KLHL24: variants seen among roughly 807,000 people sequenced by gnomAD.
KLHL24 encodes the protein kelch like family member 24, also known as kelch-like protein 24.
Under a neutral mutation model 53.4 loss-of-function variants are expected in KLHL24, and 29 were observed. The observed-to-expected ratio is 0.54, with a 90% CI of 0.40 to 0.74. The LOEUF is 0.74. Ranked by LOEUF, KLHL24 falls within the 30% of genes least tolerant of loss-of-function variation. The pLI, the probability that KLHL24 is intolerant of heterozygous loss-of-function variation, is 0.00. For missense variants in KLHL24, 504 were observed against 744.0 expected (o/e 0.68, Z 3.75); for synonymous variants, 222 against 253.7 (o/e 0.88, Z 1.19).
Position 183,683,460 on chromosome 3 carries a change from C to T in KLHL24, c.*4174C>T, listed in dbSNP as rs1315088004. The stretch of plus-strand genomic sequence containing the variant: ...TAAATAAATTTACCATGCCAAGTAA[C>T]CAGAATGGAGCAAATTGGTTGATCT... On this transcript the variant is annotated 3_prime_UTR_variant, in exon 8 of 8. Coordinates refer to ENST00000242810, the MANE Select transcript of KLHL24 (RefSeq NM_017644.3). 6.6e-6 allele frequency: 1 copy of T among 152,560 alleles called. No homozygotes were observed. Among genetic ancestry groups the T allele is most frequent in the African/African-American group, 2.4e-5 (1 of 41,404 alleles). The allele number at this position is 152,560 out of a possible 1,614,324, so 9.5% of individuals were successfully genotyped here. A position where few individuals can be genotyped will look rare whatever the true frequency, so the allele number is the denominator to read the frequency against.
intron 1 of KLHL24, among the ~76,000 whole-genome samples, chr3:183,642,725 T>TA (rs1308642786): frequency 1.3e-5 from 2 of 151,554 alleles, no homozygotes; most frequent in South Asian, 2.1e-4. Context: ...TATTAAAAGA[T>TA]AAAAAAATTA....
At chr3:183,644,948 G>T (rs1208222860) in intron 2 of KLHL24, among the ~76,000 whole-genome samples, 10 of 152,160 alleles carry the variant, frequency 6.6e-5, no homozygotes, top group Non-Finnish European at 1.5e-4. Context: ...GCAGGAAGAA[G>T]CTCACGATTT....
intron 3 of KLHL24, among the ~76,000 whole-genome samples, chr3:183,657,465 C>T (rs996475512): frequency 5.9e-5 from 9 of 152,146 alleles, no homozygotes; most frequent in African/African-American, 1.9e-4. Context: ...ATCTAATGGC[C>T]GTAATGAGGG....
chr3:183,664,886 TA>T, intron 4 of KLHL24, 34 bp from the exon 5 acceptor site: 1 of 1,259,050 alleles, frequency 7.9e-7, no homozygotes, highest in South Asian at 1.3e-5. Context: ...TATATCATGA[TA>T]AATTATCGTG....
At chr3:183,635,969 G>C (rs1020628913) in intron 1 of KLHL24, among the ~76,000 whole-genome samples, 176 bp downstream of exon 1, 3 of 152,142 alleles carry the variant, frequency 2.0e-5, no homozygotes, top group African/African-American at 7.2e-5. Context: ...GGGTTCACCT[G>C]GGGGGTCTTC....
At chr3:183,668,830 G>T (rs1471578976) in intron 5 of KLHL24, among the ~76,000 whole-genome samples, 1 of 151,726 alleles carries the variant, frequency 6.6e-6, no homozygotes, top group Non-Finnish European at 1.5e-5. Context: ...ACTTGAGCCT[G>T]AGAGGCAGAG....
intron 3 of KLHL24, among the ~76,000 whole-genome samples, chr3:183,651,786 G>T (rs1036460460): frequency 2.6e-5 from 4 of 151,810 alleles, no homozygotes; most frequent in Non-Finnish European, 5.9e-5. Context: ...AGACCTCATC[G>T]CTACTAAAAA....
At chr3:183,642,067 G>T (rs1207327240) in intron 1 of KLHL24, among the ~76,000 whole-genome samples, 2 of 152,088 alleles carry the variant, frequency 1.3e-5, no homozygotes, top group African/African-American at 4.8e-5. Flanking sequence ...ACCAATCTTG[G>T]AGTTCTTGTT....
At chr3:183,676,277 G>C (rs932829915) in intron 7 of KLHL24, among the ~76,000 whole-genome samples, 2 of 152,180 alleles carry the variant, frequency 1.3e-5, no homozygotes, top group Non-Finnish European at 2.9e-5. Context: ...TGTATTTTTA[G>C]TGGAGACAGG....
At chr3:183,647,938 A>G (rs28525108) in intron 2 of KLHL24, among the ~76,000 whole-genome samples, 50,904 of 151,922 alleles carry the variant, frequency 0.34, 9,389 homozygotes, top group African/African-American at 0.49. Context: ...CCCGGGAGGC[A>G]GAGGTTGCAG....
chr3:183,651,057 T>C lies in KLHL24; in HGVS notation c.701T>C (p.Met234Thr). The C allele has an allele frequency of 6.2e-7, 1 of 1,614,216 alleles. No homozygotes were observed. The highest frequency in any genetic ancestry group is 8.5e-7 in the Non-Finnish European group (1 of 1,180,020). Reference sequence around the variant, plus strand: ...GAGGAGATGGTTTTTGAAGCCGTCATGCGTTGGGTCTATCGTGCCGTTGAT... The same window carrying C: ...GAGGAGATGGTTTTTGAAGCCGTCACGCGTTGGGTCTATCGTGCCGTTGAT... ...GKEEMVFEAVMRWVYRAVDLR... is the reference protein window; with the variant it reads ...GKEEMVFEAVTRWVYRAVDLR... Residue 234 changes from methionine (M) to threonine (T), a missense_variant, in exon 3 of 8, where the codon ATG becomes ACG. Met to Thr is a moderately conservative substitution (Grantham distance 81). Coordinates refer to ENST00000242810, the MANE Select transcript of KLHL24 (RefSeq NM_017644.3).
chr3:183,646,771 A>G (rs1300259270), intron 2 of KLHL24, among the ~76,000 whole-genome samples: 1 of 152,030 alleles, frequency 6.6e-6, no homozygotes, highest in Non-Finnish European at 1.5e-5. Flanking sequence ...GTGCTACTTT[A>G]TGTTATTATT....
rs1459990952 is a variant in KLHL24 at position 183,684,040 on chromosome 3, G to A, written c.*4754G>A. 6.6e-6 allele frequency: 1 copy of A among 152,416 alleles called. No individual in the cohort carries two copies. Among genetic ancestry groups the A allele is most frequent in the Non-Finnish European group, 1.5e-5 (1 of 67,984 alleles). 9.4% of individuals were successfully genotyped at this position (152,416 alleles called of 1,614,324 possible). On this transcript the variant is annotated 3_prime_UTR_variant, in exon 8 of 8. Transcript: ENST00000242810. ...TATCTATCTTACATTGATTAAACCC[G>A]TGTAAATTCATTTGCAGTATCTACA...
intron 2 of KLHL24, among the ~76,000 whole-genome samples, chr3:183,648,963 A>G (rs922183011): frequency 3.9e-5 from 6 of 151,926 alleles, no homozygotes; most frequent in Non-Finnish European, 7.4e-5. Context: ...AGATCGCGCC[A>G]TTGCACTTCA....
chr3:183,677,647 T>C (rs1411590705), intron 7 of KLHL24, among the ~76,000 whole-genome samples: 2 of 152,208 alleles, frequency 1.3e-5, no homozygotes, highest in Non-Finnish European at 2.9e-5. Context: ...TCATTGTTGG[T>C]TATGTGGAAC....
At chr3:183,638,248 A>C (rs1715690723) in intron 1 of KLHL24, among the ~76,000 whole-genome samples, 1 of 152,238 alleles carries the variant, frequency 6.6e-6, no homozygotes, top group South Asian at 2.1e-4. Context: ...TCTAAACAGG[A>C]AGAAGAAATA....
intron 7 of KLHL24, among the ~76,000 whole-genome samples, chr3:183,678,329 A>G (rs925104005): frequency 9.2e-5 from 14 of 152,340 alleles, no homozygotes; most frequent in African/African-American, 3.1e-4. Flanking sequence ...GGGTAATCCC[A>G]TATAATGAAT....
At chr3:183,648,086 G>T (rs28538996) in intron 2 of KLHL24, among the ~76,000 whole-genome samples, 50,883 of 151,976 alleles carry the variant, frequency 0.33, 9,371 homozygotes, top group African/African-American at 0.49. Context: ...GTACAGTATC[G>T]TGACAATAGT....
intron 3 of KLHL24, among the ~76,000 whole-genome samples, chr3:183,652,924 C>T (rs945886546): frequency 6.6e-6 from 1 of 152,034 alleles, no homozygotes; most frequent in African/African-American, 2.4e-5. Context: ...AGAGTAGGAA[C>T]CAAGGGTTAT....
Sources: gnomAD v4.1 joint callset for allele counts (sites outside exome capture counted in the v4.1 genomes callset) on GRCh38, gnomAD v4.1.1 for gene constraint, MANE v1.5 for transcripts, NCBI Gene and HGNC (gene_info 2026-07-23, HGNC 2026-07-21) for gene names.